The following SOX5 variants were observed in gnomAD, a reference collection of about 807,000 sequenced individuals.
SOX5 encodes transcription factor SOX-5.
Under a neutral mutation model 92.0 loss-of-function variants are expected in SOX5, and 9 were observed. The ratio of observed to expected loss-of-function variants is 0.10; its 90% CI spans 0.06 to 0.17. The LOEUF is 0.17. Among genes scored for constraint, SOX5 ranks in the 10% least tolerant of loss-of-function variants. The probability of loss-of-function intolerance (pLI) is 1.00; values close to 1 mark genes in which losing one functional copy is unlikely to be tolerated. For synonymous variants in SOX5, 344 were observed against 336.3 expected, an observed-to-expected ratio of 1.02 and a Z score of -0.25; for missense variants, 642 against 944.5, an observed-to-expected ratio of 0.68 and a Z score of 4.20.
chr12:24,236,005 T>C (rs561837538), intron 3 of SOX5, among the ~76,000 whole-genome samples: 84 of 152,062 alleles, frequency 5.5e-4, no homozygotes, highest in South Asian at 1.0e-3. Context: ...CTGGTTAACA[T>C]GGTAAAACCC....
chr12:23,984,017 A>AGACT (rs1295718389), intron 4 of SOX5, among the ~76,000 whole-genome samples: 1 of 152,198 alleles, frequency 6.6e-6, no homozygotes, highest in Admixed American at 6.6e-5. Flanking sequence ...TCCAGCTCTG[A>AGACT]GACTACAGGT....
intron 7 of SOX5, among the ~76,000 whole-genome samples, chr12:23,655,761 T>C (rs983944665): frequency 1.5e-4 from 23 of 152,070 alleles, no homozygotes; most frequent in Admixed American, 1.4e-3. Flanking sequence ...GCCTAGAGAT[T>C]CCTACTAAAA....
At chr12:23,911,218 C>G (rs1479035203) in intron 1 of SOX5, among the ~76,000 whole-genome samples, 4 of 152,036 alleles carry the variant, frequency 2.6e-5, no homozygotes, top group African/African-American at 7.2e-5. Flanking sequence ...AAAATACTTA[C>G]TTAACTTTCC....
In SOX5 at chr12:24,360,364, C is replaced by T. The variant is rs182407153; in HGVS notation, c.-174+8199G>A. Among the ~76,000 whole-genome samples the T allele has an allele frequency of 7.8e-3, 1,194 of 152,266 alleles. 8 individuals carry two copies. Among genetic ancestry groups the T allele is most frequent in the Non-Finnish European group, 0.012 (816 of 68,010 alleles). ...CAGTTTGGGTGAAATTTCGTGTTTT[C>T]ATCATTCTTATTTGATGAATAGTCC... On this transcript the variant is annotated intron_variant, in intron 2 of 4. Coordinates refer to the SOX5 transcript ENST00000446891.
intron 4 of SOX5, among the ~76,000 whole-genome samples, chr12:24,107,159 TG>T (rs1946785021): frequency 1.3e-5 from 2 of 152,180 alleles, no homozygotes; most frequent in Admixed American, 1.3e-4. Flanking sequence ...AACCAAATTT[TG>T]TTTCTTCTAC....
chr12:24,435,917 T>C (rs1251610181), intron 1 of SOX5, among the ~76,000 whole-genome samples: 1 of 152,208 alleles, frequency 6.6e-6, no homozygotes, highest in East Asian at 1.9e-4. Context: ...ATTATTATTA[T>C]GTGTGATATG....
chr12:23,984,336 A>G (rs1949864911), intron 4 of SOX5, among the ~76,000 whole-genome samples: 1 of 152,200 alleles, frequency 6.6e-6, no homozygotes, highest in Admixed American at 6.6e-5. Context: ...ACAAAGCAGC[A>G]CTGGAGAAGC....
intron 2 of SOX5, among the ~76,000 whole-genome samples, chr12:24,357,038 T>C (rs7302658): frequency 0.3 from 45,247 of 152,112 alleles, 7,241 homozygotes; most frequent in Non-Finnish European, 0.36. Context: ...TTCATTCTTA[T>C]TTGCACATGG....
At chr12:24,130,692 G>C (rs189903851) in intron 4 of SOX5, among the ~76,000 whole-genome samples, 6 of 152,296 alleles carry the variant, frequency 3.9e-5, no homozygotes, top group Admixed American at 1.3e-4. Context: ...AGTGGCTGCA[G>C]TTATCTTAGG....
Position 24,474,424 on chromosome 12 carries a change from T to C in SOX5, c.-251+87905A>G, listed in dbSNP as rs1945136523. 2.6e-5 allele frequency among the ~76,000 whole-genome samples: 4 copies of C among 152,338 alleles called. No individual in the cohort carries two copies. In the South Asian group the frequency reaches 8.3e-4, roughly 32 times the overall value. ...GTGGATGACCCCCCCACCGGTGTGA[T>C]ATCATTTGAAGTTTTGATATCTATC... is the stretch of plus-strand genomic sequence containing the variant. On this transcript the variant is annotated intron_variant, in intron 1 of 4. Coordinates refer to the SOX5 transcript ENST00000446891.
chr12:23,879,000 C>T (rs1175513009), intron 2 of SOX5, among the ~76,000 whole-genome samples: 1 of 152,024 alleles, frequency 6.6e-6, no homozygotes, highest in Non-Finnish European at 1.5e-5. Context: ...TATTTTTTGA[C>T]ATGTTGCTGC....
At chr12:23,867,310 G>C (rs1216824887) in intron 2 of SOX5, among the ~76,000 whole-genome samples, 2 of 152,026 alleles carry the variant, frequency 1.3e-5, no homozygotes, top group African/African-American at 4.8e-5. Context: ...ACACAAACCT[G>C]TTGTTCTTTT....
At chr12:23,913,613 A>G (rs544218531) in intron 1 of SOX5, among the ~76,000 whole-genome samples, 9 of 151,990 alleles carry the variant, frequency 5.9e-5, no homozygotes, top group South Asian at 2.1e-4. Context: ...GCATCCACCT[A>G]TAATTCCAGC....
intron 3 of SOX5, among the ~76,000 whole-genome samples, chr12:24,216,222 G>A (rs905622327): frequency 3.3e-5 from 5 of 152,180 alleles, no homozygotes; most frequent in Non-Finnish European, 5.9e-5. Flanking sequence ...GGTGGCTTAC[G>A]CCTGTAATCC....
chr12:24,371,622 A>G (rs1956751232), intron 1 of SOX5, among the ~76,000 whole-genome samples: 1 of 152,222 alleles, frequency 6.6e-6, no homozygotes, highest in South Asian at 2.1e-4. Context: ...CCAGATTGCT[A>G]TTCCTGAAAC....
intron 6 of SOX5, among the ~76,000 whole-genome samples, chr12:23,669,816 G>T (rs1260694099): frequency 1.3e-5 from 2 of 152,168 alleles, no homozygotes; most frequent in African/African-American, 4.8e-5. Flanking sequence ...GATGGCTACG[G>T]TTTTGGATAT....
chr12:24,224,317 C>G (rs368133930), intron 3 of SOX5, among the ~76,000 whole-genome samples: 1 of 151,974 alleles, frequency 6.6e-6, no homozygotes, highest in African/African-American at 2.4e-5. Flanking sequence ...GTTTCGGAAG[C>G]TGACACAGTT....
chr12:23,646,145 AG>A (rs2080821242), intron 7 of SOX5, among the ~76,000 whole-genome samples: 2 of 152,088 alleles, frequency 1.3e-5, no homozygotes, highest in African/African-American at 4.8e-5. Flanking sequence ...GTTGAAGGTT[AG>A]GGTAGCTAAC....
intron 1 of SOX5, chr12:24,407,655 G>A (rs921597234): frequency 2.0e-5 from 3 of 152,162 alleles, no homozygotes; most frequent in African/African-American, 4.8e-5. Context: ...GCTATTTTAA[G>A]AAATATCACT....
Sources: gnomAD v4.1 joint callset for allele counts (sites outside exome capture counted in the v4.1 genomes callset) on GRCh38, gnomAD v4.1.1 for gene constraint, MANE v1.5 for transcripts, NCBI Gene and HGNC (gene_info 2026-07-23, HGNC 2026-07-21) for gene names.